The following TTL variants were observed in gnomAD, a reference collection of about 807,000 sequenced individuals.
TTL encodes the protein tubulin tyrosine ligase.
Under a neutral mutation model 41.1 loss-of-function variants are expected in TTL, and 10 were observed. That is an observed-to-expected ratio of 0.24 (90% CI 0.15 to 0.41). The LOEUF is 0.41. Ranked by LOEUF, TTL falls within the 10% of genes least tolerant of loss-of-function variation. The probability of loss-of-function intolerance (pLI) is 1.00; values close to 1 mark genes in which losing one functional copy is unlikely to be tolerated. For synonymous variants in TTL, 175 were observed against 175.5 expected (o/e 1.00, Z 0.02); for missense variants, 367 against 460.4 (o/e 0.80, Z 1.86).
chr2:112,496,879 G>C (rs1426027363), intron 3 of TTL, among the ~76,000 whole-genome samples: 1 of 151,612 alleles, frequency 6.6e-6, no homozygotes, highest in African/African-American at 2.4e-5. Flanking sequence ...GGAGTGCAGT[G>C]GTGCCATCTC....
At position 112,531,467 on chromosome 2, in the gene TTL, AAG is replaced by A. The variant is rs1682507399; in HGVS notation, c.*2674_*2675del. ...TTTGATGAGGACAAGTGACAGTAGG[AAG>A]ATGCAAGAGCCTTTAGTACCAAGGT... On this transcript the variant is annotated 3_prime_UTR_variant, in exon 7 of 7. Transcript: ENST00000233336. 4.4e-6 allele frequency: 1 copy of A among 229,538 alleles called. No individual in the cohort carries two copies. Among genetic ancestry groups the A allele is most frequent in the South Asian group, 1.8e-4 (1 of 5,510 alleles). 14.2% of individuals were successfully genotyped at this position (229,538 alleles called of 1,614,324 possible).
chr2:112,520,506 A>G (rs1460381672), intron 6 of TTL, 81 bp downstream of exon 6: 1 of 1,553,596 alleles, frequency 6.4e-7, no homozygotes, highest in Admixed American at 1.8e-5. Flanking sequence ...AAGTGTAGTC[A>G]CTTTGACTGC....
intron 5 of TTL, among the ~76,000 whole-genome samples, chr2:112,509,089 G>T (rs1373964684): frequency 8.4e-6 from 1 of 118,866 alleles, no homozygotes; most frequent in Non-Finnish European, 1.7e-5. Context: ...AGGTGTCAGT[G>T]TGCCCCTGCT....
At chr2:112,511,356 G>A (rs770108872) in intron 5 of TTL, among the ~76,000 whole-genome samples, 1 of 151,678 alleles carries the variant, frequency 6.6e-6, no homozygotes, top group Non-Finnish European at 1.5e-5. Context: ...CCAAAAGGCC[G>A]AGAAGCGATG....
intron 6 of TTL, among the ~76,000 whole-genome samples, chr2:112,527,679 T>A (rs1263647698): frequency 6.6e-6 from 1 of 152,182 alleles, no homozygotes; most frequent in Non-Finnish European, 1.5e-5. Flanking sequence ...TCTTCTTCCA[T>A]CCCTTTTATT....
rs1682561063 is a variant in TTL at position 112,534,285 on chromosome 2, A to C, written c.*5490A>C. ...CAGTGAGCCGAGATCACGCCACTGC[A>C]CTCCATCCAGCCTGGGTGACAGTGC... is the stretch of plus-strand genomic sequence containing the variant. On this transcript the variant is annotated 3_prime_UTR_variant, in exon 7 of 7. Transcript: ENST00000233336. 1 of 141,040 alleles carries C rather than the reference A, an allele frequency of 7.1e-6. No individual in the cohort carries two copies. Among genetic ancestry groups the C allele is most frequent in the Admixed American group, 7.8e-5 (1 of 12,796 alleles). 8.7% of individuals were successfully genotyped at this position (141,040 alleles called of 1,614,324 possible).
At chr2:112,518,678 C>T (rs145029654) in intron 5 of TTL, among the ~76,000 whole-genome samples, 1 of 140,136 alleles carries the variant, frequency 7.1e-6, no homozygotes, top group Non-Finnish European at 1.5e-5. Flanking sequence ...TTTTTCTTTT[C>T]TTTTTTTTTT....
intron 5 of TTL, among the ~76,000 whole-genome samples, chr2:112,519,278 A>G (rs951256281): frequency 6.6e-6 from 1 of 152,214 alleles, no homozygotes; most frequent in African/African-American, 2.4e-5. Flanking sequence ...GCCAGGAGTT[A>G]TGACAAGTTC....
intron 2 of TTL, among the ~76,000 whole-genome samples, chr2:112,490,290 C>T (rs1446389990): frequency 4.6e-5 from 7 of 151,980 alleles, no homozygotes; most frequent in East Asian, 3.9e-4. Context: ...TGGTGGTGTG[C>T]GCCTGTAATC....
At chr2:112,512,363 C>T (rs1429599427) in intron 5 of TTL, among the ~76,000 whole-genome samples, 1 of 151,650 alleles carries the variant, frequency 6.6e-6, no homozygotes, top group Admixed American at 6.6e-5. Flanking sequence ...TGCAGGTTCA[C>T]GCCATTCTCC....
intron 3 of TTL, among the ~76,000 whole-genome samples, chr2:112,495,964 T>C (rs1429523734): frequency 6.6e-6 from 1 of 152,234 alleles, no homozygotes; most frequent in East Asian, 1.9e-4. Context: ...CCACCAGCGA[T>C]GAGACAGGAA....
intron 2 of TTL, among the ~76,000 whole-genome samples, chr2:112,492,496 C>T (rs1304762751): frequency 1.3e-5 from 2 of 151,618 alleles, no homozygotes; most frequent in African/African-American, 2.4e-5. Flanking sequence ...TTTGGGAGGC[C>T]GAGGCGGGTG....
chr2:112,491,789 G>A (rs1009486271), intron 2 of TTL, among the ~76,000 whole-genome samples: 7 of 151,922 alleles, frequency 4.6e-5, no homozygotes, highest in Non-Finnish European at 1.0e-4. Context: ...TTACACAACC[G>A]TTTTTTCATT....
intron 3 of TTL, among the ~76,000 whole-genome samples, chr2:112,494,699 G>A (rs1681479483): frequency 6.6e-6 from 1 of 152,078 alleles, no homozygotes; most frequent in Non-Finnish European, 1.5e-5. Context: ...CTTAGTATAT[G>A]ATCCCACTAT....
chr2:112,511,471 TTGA>T (rs1404504418), intron 5 of TTL, among the ~76,000 whole-genome samples: 3 of 152,170 alleles, frequency 2.0e-5, no homozygotes, highest in Non-Finnish European at 1.5e-5. Context: ...TTCATGTCTT[TTGA>T]TGATCTGTTA....
rs1276600133 is a variant in TTL at position 112,497,292 on chromosome 2, C to T, written c.469+2917C>T. ...CAAGCCTCCCGAAGTGCTGGGATTA[C>T]AGGCATGAGCCATCACACCCAGCCT... is the stretch of plus-strand genomic sequence containing the variant. On this transcript the variant is annotated intron_variant, in intron 3 of 6. Coordinates refer to ENST00000233336, the MANE Select transcript of TTL (RefSeq NM_153712.5). Among the ~76,000 whole-genome samples the T allele has an allele frequency of 2.6e-5, 4 of 152,116 alleles. No individual in the cohort carries two copies. The East Asian group carries it at 5.8e-4, about 22-fold the overall frequency.
chr2:112,532,168 A>G lies in TTL; in HGVS notation c.*3373A>G, dbSNP rs1051679606. The G allele has an allele frequency of 4.4e-6, 1 of 226,330 alleles. No homozygotes were observed. Among genetic ancestry groups the G allele is most frequent in the African/African-American group, 2.2e-5 (1 of 44,992 alleles). The allele number at this position is 226,330 out of a possible 1,614,324, so 14.0% of individuals were successfully genotyped here. ...TGTTTTCATTCACAGTGGAGGCTAC[A>G]TCAAGCAAGGGGAGGTCCAGCCCTC... On this transcript the variant is annotated 3_prime_UTR_variant, in exon 7 of 7. Transcript: ENST00000233336.
At position 112,537,947 on chromosome 2, in the gene TTL, TG is replaced by T. The variant is rs34916672; in HGVS notation, c.*9156del. The T allele has an allele frequency of 3.3e-5, 5 of 152,218 alleles. No homozygotes were observed. The highest frequency in any genetic ancestry group is 5.9e-5 in the Non-Finnish European group (4 of 68,046). 9.4% of individuals were successfully genotyped at this position (152,218 alleles called of 1,614,324 possible). A position where few individuals can be genotyped will look rare whatever the true frequency, so the allele number is the denominator to read the frequency against. On this transcript the variant is annotated 3_prime_UTR_variant, in exon 7 of 7. Coordinates refer to ENST00000233336, the MANE Select transcript of TTL (RefSeq NM_153712.5). ...TCTCAAGTGCACATGGAACATTCTC[TG>T]GGGTAGATCACATGCTAGGCCATAA...
At position 112,540,433 on chromosome 2, in the gene TTL, C is replaced by CAAAAAAA. The variant is rs76177853; in HGVS notation, c.*11648_*11654dup. 3.5e-5 allele frequency: 4 copies of CAAAAAAA among 113,866 alleles called. No individual in the cohort carries two copies. The highest frequency in any genetic ancestry group is 9.2e-5 in the African/African-American group (3 of 32,604). The allele number at this position is 113,866 out of a possible 1,614,324, so 7.1% of individuals were successfully genotyped here. On this transcript the variant is annotated 3_prime_UTR_variant, in exon 7 of 7. Transcript: ENST00000233336. ...AACTCTGTCTCAAAAAAACAAAAAA[C>CAAAAAAA]AAAAAAAAAAAAAAAAGAGAAAGAA...
Sources: allele counts gnomAD v4.1 joint callset (sites outside exome capture counted in the v4.1 genomes callset), GRCh38; gene constraint gnomAD v4.1.1; transcripts MANE v1.5; gene names NCBI Gene and HGNC (gene_info 2026-07-23, HGNC 2026-07-21).